The following KCTD8 variants were observed in gnomAD, a reference collection of about 807,000 sequenced individuals.
KCTD8 encodes potassium channel tetramerization domain containing 8.
KCTD8 carries 27 observed loss-of-function variants against 31.5 expected under a neutral mutation model. The ratio of observed to expected loss-of-function variants is 0.86; its 90% CI spans 0.63 to 1.18. KCTD8 has a LOEUF of 1.18. Among genes scored for constraint, KCTD8 ranks in the 50% most tolerant of loss-of-function variants. The probability of loss-of-function intolerance (pLI) is 0.00; values close to 1 mark genes in which losing one functional copy is unlikely to be tolerated. For missense variants in KCTD8, 658 were observed against 647.7 expected, an observed-to-expected ratio of 1.02 and a Z score of -0.17; for synonymous variants, 290 against 280.0, an observed-to-expected ratio of 1.04 and a Z score of -0.36.
At chr4:44,344,654 A>G (rs989210525) in intron 1 of KCTD8, among the ~76,000 whole-genome samples, 3 of 152,196 alleles carry the variant, frequency 2.0e-5, no homozygotes, top group Admixed American at 6.5e-5. Flanking sequence ...GTAGTGCTAC[A>G]GTACAGGCCT....
rs187412726 is a variant in KCTD8, at chr4:44,230,157, C to T, written c.962-54907G>A. ...GAATTGAGGTTGCTGCAGACCTGTA[C>T]GGATTCACCGCTGGTAACTTGGATA... On this transcript the variant is annotated intron_variant, in intron 1 of 1. Transcript: ENST00000360029. Among the ~76,000 whole-genome samples, 909 of 152,256 alleles carry T rather than the reference C, an allele frequency of 6.0e-3. 7 individuals carry two copies. Among genetic ancestry groups the T allele is most frequent in the Non-Finnish European group, 9.2e-3 (628 of 68,024 alleles).
intron 1 of KCTD8, among the ~76,000 whole-genome samples, chr4:44,392,823 A>G (rs577068526): frequency 6.6e-6 from 1 of 152,148 alleles, no homozygotes; most frequent in East Asian, 1.9e-4. Context: ...TGTCTTGAAC[A>G]CTGCAATATA....
intron 1 of KCTD8, among the ~76,000 whole-genome samples, chr4:44,415,972 A>T (rs1316880976): frequency 6.6e-6 from 1 of 152,174 alleles, no homozygotes; most frequent in Non-Finnish European, 1.5e-5. Flanking sequence ...GATAGCTTGC[A>T]TCCTGAGCCT....
intron 1 of KCTD8, among the ~76,000 whole-genome samples, chr4:44,360,691 A>T (rs2109430097): frequency 6.6e-6 from 1 of 152,162 alleles, no homozygotes; most frequent in East Asian, 1.9e-4. Flanking sequence ...TGCTTTCTAA[A>T]AAGTGATCAT....
chr4:44,244,093 A>G (rs1303267261), intron 1 of KCTD8, among the ~76,000 whole-genome samples: 1 of 152,190 alleles, frequency 6.6e-6, no homozygotes, highest in East Asian at 1.9e-4. Flanking sequence ...ACTACAGATC[A>G]TTCCAATTTG....
chr4:44,270,374 T>A (rs997470395), intron 1 of KCTD8, among the ~76,000 whole-genome samples: 1 of 112,708 alleles, frequency 8.9e-6, no homozygotes, highest in East Asian at 3.1e-4. Flanking sequence ...GGGAACATCA[T>A]ACTCTGGGGA....
rs535246243 is a variant in KCTD8, at chr4:44,432,986, T to A, written c.961+14577A>T. On this transcript the variant is annotated intron_variant, in intron 1 of 1. Transcript: ENST00000360029. ...GTCTGACTGGCCCTTGTCAATATCA[T>A]TTCCAGGCTCCTCTTTATCACCATT... Among the ~76,000 whole-genome samples, 35 of 151,704 alleles carry A rather than the reference T, an allele frequency of 2.3e-4. 2 individuals are homozygous for A. The South Asian group carries it at 6.8e-3, about 30-fold the overall frequency.
At chr4:44,235,586 G>A (rs1367125566) in intron 1 of KCTD8, among the ~76,000 whole-genome samples, 1 of 129,646 alleles carries the variant, frequency 7.7e-6, no homozygotes, top group Non-Finnish European at 1.7e-5. Flanking sequence ...TTTAGAGAGA[G>A]AGAGAGAGAG....
At chr4:44,344,725 A>T (rs1449273419) in intron 1 of KCTD8, among the ~76,000 whole-genome samples, 1 of 152,210 alleles carries the variant, frequency 6.6e-6, no homozygotes, top group Non-Finnish European at 1.5e-5. Context: ...CAAGGAGTTG[A>T]TTCACAATAT....
chr4:44,334,091 G>T (rs2109414121), intron 1 of KCTD8, among the ~76,000 whole-genome samples: 1 of 152,084 alleles, frequency 6.6e-6, no homozygotes, highest in Admixed American at 6.5e-5. Context: ...TAATAAAGTT[G>T]AGTTAATAGC....
At chr4:44,225,019 G>A (rs1714915390) in intron 1 of KCTD8, among the ~76,000 whole-genome samples, 1 of 152,142 alleles carries the variant, frequency 6.6e-6, no homozygotes, top group Non-Finnish European at 1.5e-5. Context: ...TGAGAAATAT[G>A]ATCCCTGTAT....
intron 1 of KCTD8, among the ~76,000 whole-genome samples, chr4:44,182,195 G>A (rs117204164): frequency 0.12 from 18,001 of 148,386 alleles, 1,420 homozygotes; most frequent in East Asian, 0.37. Flanking sequence ...CTGGCCGGCC[G>A]ACCCGTCCGG....
At chr4:44,369,557 G>T (rs1719729602) in intron 1 of KCTD8, among the ~76,000 whole-genome samples, 1 of 152,198 alleles carries the variant, frequency 6.6e-6, no homozygotes, top group African/African-American at 2.4e-5. Flanking sequence ...TGTAATCCCA[G>T]CACTTTGGGA....
intron 1 of KCTD8, among the ~76,000 whole-genome samples, chr4:44,363,549 G>A (rs545611406): frequency 2.0e-5 from 3 of 152,250 alleles, no homozygotes; most frequent in African/African-American, 7.2e-5. Flanking sequence ...TTAGAAAATA[G>A]AATTTCTCCT....
intron 1 of KCTD8, among the ~76,000 whole-genome samples, chr4:44,296,021 C>T (rs560910811): frequency 6.6e-6 from 1 of 152,196 alleles, no homozygotes; most frequent in Non-Finnish European, 1.5e-5. Context: ...AATGGTTTCC[C>T]TTGGTTTAAA....
chr4:44,408,187 A>C (rs542267714), intron 1 of KCTD8, among the ~76,000 whole-genome samples: 32 of 152,304 alleles, frequency 2.1e-4, no homozygotes, highest in African/African-American at 7.5e-4. Flanking sequence ...ATACTGCCTA[A>C]TTCTATACCC....
intron 1 of KCTD8, among the ~76,000 whole-genome samples, chr4:44,324,803 G>T (rs920396989): frequency 6.6e-6 from 1 of 151,858 alleles, no homozygotes; most frequent in Non-Finnish European, 1.5e-5. Flanking sequence ...TGAGCATCTG[G>T]TTGCTTAACA....
At chr4:44,378,338 G>C (rs1042517161) in intron 1 of KCTD8, among the ~76,000 whole-genome samples, 15 of 150,186 alleles carry the variant, frequency 1.0e-4, no homozygotes, top group African/African-American at 2.7e-4. Context: ...TGAATAGCAT[G>C]TTATGAGATA....
chr4:44,276,278 G>C (rs908448897), intron 1 of KCTD8, among the ~76,000 whole-genome samples: 1 of 151,858 alleles, frequency 6.6e-6, no homozygotes, highest in Non-Finnish European at 1.5e-5. Context: ...AGTTGCTACA[G>C]GTTTCACCAA....
Sources: gnomAD v4.1 joint callset for allele counts (sites outside exome capture counted in the v4.1 genomes callset) on GRCh38, gnomAD v4.1.1 for gene constraint, MANE v1.5 for transcripts, NCBI Gene and HGNC (gene_info 2026-07-23, HGNC 2026-07-21) for gene names.